ST7: variants seen among roughly 807,000 people sequenced by gnomAD.
ST7 encodes the protein suppressor of tumorigenicity 7 protein.
Under a neutral mutation model 78.7 loss-of-function variants are expected in ST7, and 28 were observed. The observed-to-expected ratio is 0.36, with a 90% CI of 0.26 to 0.49. The LOEUF (loss-of-function observed/expected upper bound fraction) is 0.49, where lower values mean the gene tolerates loss of function less well. ST7 is among the 20% of genes least tolerant of loss of function. The probability of loss-of-function intolerance (pLI) is 0.99; values close to 1 mark genes in which losing one functional copy is unlikely to be tolerated. For missense variants in ST7, 418 were observed against 696.0 expected (o/e 0.60, Z 4.49); for synonymous variants, 247 against 249.6 (o/e 0.99, Z 0.10).
intron 1 of ST7, among the ~76,000 whole-genome samples, chr7:117,061,163 A>T (rs1325292952): frequency 5.9e-5 from 9 of 152,214 alleles, no homozygotes; most frequent in Admixed American, 2.6e-4. Flanking sequence ...CACAATTAAA[A>T]GGGGTTTTAG....
At chr7:117,016,808 A>G (rs1795636954) in intron 1 of ST7, among the ~76,000 whole-genome samples, 1 of 152,220 alleles carries the variant, frequency 6.6e-6, no homozygotes, top group Admixed American at 6.5e-5. Context: ...CATTGCAAAG[A>G]TAGCTATATT....
At chr7:116,976,222 C>G (rs1440446988) in intron 1 of ST7, among the ~76,000 whole-genome samples, 2 of 152,138 alleles carry the variant, frequency 1.3e-5, no homozygotes, top group African/African-American at 4.8e-5. Flanking sequence ...CGAGATCAGG[C>G]CACTACACTC....
At chr7:117,006,661 GCACT>G (rs1795168457) in intron 1 of ST7, among the ~76,000 whole-genome samples, 4 of 152,146 alleles carry the variant, frequency 2.6e-5, no homozygotes, top group Non-Finnish European at 5.9e-5. Context: ...TTGTTTTGAT[GCACT>G]TTGCTTTATT....
chr7:117,205,203 A>G (rs76074270), intron 12 of ST7, among the ~76,000 whole-genome samples: 8,024 of 138,562 alleles, frequency 0.058, 709 homozygotes, highest in African/African-American at 0.19. Flanking sequence ...ATGCCTACCT[A>G]TACCTTTTTT....
At chr7:117,200,587 G>C (rs887021361) in intron 12 of ST7, among the ~76,000 whole-genome samples, 1 of 152,140 alleles carries the variant, frequency 6.6e-6, no homozygotes, top group Non-Finnish European at 1.5e-5. Context: ...AGGTAGTGGA[G>C]GGCACAACAG....
intron 1 of ST7, among the ~76,000 whole-genome samples, chr7:117,084,598 T>C (rs1800003178): frequency 6.6e-6 from 1 of 152,204 alleles, no homozygotes; most frequent in South Asian, 2.1e-4. Context: ...TGATTTAATC[T>C]TCACTTTCTT....
intron 1 of ST7, among the ~76,000 whole-genome samples, chr7:117,013,547 G>T (rs1471389866): frequency 1.3e-5 from 2 of 152,228 alleles, no homozygotes; most frequent in African/African-American, 4.8e-5. Context: ...ATTGGAGATG[G>T]CTGGGCGAGG....
intron 1 of ST7, among the ~76,000 whole-genome samples, chr7:117,017,060 C>G (rs11978985): frequency 1.3e-5 from 2 of 152,136 alleles, no homozygotes; most frequent in African/African-American, 4.8e-5. Flanking sequence ...ATGAAACACT[C>G]TTCCTTCCAC....
chr7:117,001,078 A>G (rs972528454), intron 1 of ST7, among the ~76,000 whole-genome samples: 1 of 152,220 alleles, frequency 6.6e-6, no homozygotes, highest in Non-Finnish European at 1.5e-5. Flanking sequence ...AAAGCCATTG[A>G]CATTTGTTTT....
intron 1 of ST7, among the ~76,000 whole-genome samples, chr7:117,045,433 A>C (rs1371796316): frequency 6.6e-6 from 1 of 151,870 alleles, no homozygotes; most frequent in East Asian, 1.9e-4. Context: ...TTTGCGCTTC[A>C]TGGTCCCTCT....
At chr7:117,072,003 C>G (rs1798994354) in intron 1 of ST7, 3 of 152,190 alleles carry the variant, frequency 2.0e-5, no homozygotes. Context: ...CTTCCACAGT[C>G]TATTTAATAT....
At chr7:116,991,625 G>A (rs1794433448) in intron 1 of ST7, among the ~76,000 whole-genome samples, 1 of 152,176 alleles carries the variant, frequency 6.6e-6, no homozygotes, top group Non-Finnish European at 1.5e-5. Context: ...AATTCAAGAT[G>A]AGATTTGGGT....
chr7:117,194,900 CA>C (rs1810148708), intron 12 of ST7, among the ~76,000 whole-genome samples: 1 of 152,176 alleles, frequency 6.6e-6, no homozygotes, highest in African/African-American at 2.4e-5. Flanking sequence ...TAGTATGCTG[CA>C]GCCACACTGC....
At chr7:117,223,056 GC>G (rs1241740668) in intron 15 of ST7, 1 of 1,044,362 alleles carries the variant, frequency 9.6e-7, no homozygotes, top group African/African-American at 1.6e-5. Flanking sequence ...CCACCCCGTT[GC>G]TCAAGCCGGA....
intron 9 of ST7, among the ~76,000 whole-genome samples, chr7:117,159,403 T>G (rs996737486): frequency 1.3e-5 from 2 of 152,234 alleles, no homozygotes; most frequent in African/African-American, 4.8e-5. Context: ...GTTAGCGTTT[T>G]CACTCTATTT....
intron 12 of ST7, among the ~76,000 whole-genome samples, chr7:117,206,899 T>G (rs1029930692): frequency 1.3e-5 from 2 of 152,202 alleles, no homozygotes; most frequent in African/African-American, 4.8e-5. Flanking sequence ...ATTCCCTGCA[T>G]TGTCCAATAC....
chr7:117,209,637 A>C (rs1045466619), intron 12 of ST7, 150 bp from the exon 13 acceptor site: 9 of 856,090 alleles, frequency 1.1e-5, no homozygotes, highest in Non-Finnish European at 1.6e-5. Context: ...TGGATGTTTT[A>C]GTAATTGCCT....
intron 12 of ST7, among the ~76,000 whole-genome samples, chr7:117,197,311 T>G (rs1363366286): frequency 6.6e-6 from 1 of 152,238 alleles, no homozygotes; most frequent in Non-Finnish European, 1.5e-5. Flanking sequence ...TGAGGGACTG[T>G]GCACACAGCG....
intron 1 of ST7, among the ~76,000 whole-genome samples, chr7:117,027,189 A>T (rs1318043997): frequency 6.6e-6 from 1 of 152,244 alleles, no homozygotes; most frequent in African/African-American, 2.4e-5. Flanking sequence ...CACGCCTGTA[A>T]TCCCAGCACT....
Sources: gnomAD v4.1 joint callset for allele counts (sites outside exome capture counted in the v4.1 genomes callset) on GRCh38, gnomAD v4.1.1 for gene constraint, MANE v1.5 for transcripts, NCBI Gene and HGNC (gene_info 2026-07-23, HGNC 2026-07-21) for gene names.